RBFOX1: variants seen among roughly 807,000 people sequenced by gnomAD.
RBFOX1 encodes RNA binding fox-1 homolog 1, also known as RNA binding protein fox-1 homolog 1.
In RBFOX1, 8 loss-of-function variants were observed where a neutral mutation model predicts 57.7. The ratio of observed to expected loss-of-function variants is 0.14; its 90% CI spans 0.08 to 0.25. RBFOX1 has a LOEUF of 0.25. RBFOX1 is among the 10% of genes least tolerant of loss of function. The pLI is 1.00. For missense variants in RBFOX1, 611 were observed against 548.5 expected (o/e 1.11, Z -1.14); for synonymous variants, 326 against 222.4 (o/e 1.47, Z -4.15).
intron 3 of RBFOX1, among the ~76,000 whole-genome samples, chr16:6,962,823 C>T (rs1026704240): frequency 6.6e-6 from 1 of 151,878 alleles, no homozygotes; most frequent in Non-Finnish European, 1.5e-5. Context: ...TGTGATCATG[C>T]CACTGCACTC....
chr16:7,269,071 GAATC>G (rs1368354976), intron 4 of RBFOX1, among the ~76,000 whole-genome samples: 1 of 70,502 alleles, frequency 1.4e-5, no homozygotes, highest in Non-Finnish European at 3.1e-5. Flanking sequence ...AAAAAAAAAA[GAATC>G]AGCCTCTGGA....
chr16:5,420,081 C>T (rs764849792), intron 1 of RBFOX1, among the ~76,000 whole-genome samples: 15 of 152,106 alleles, frequency 9.9e-5, no homozygotes, highest in Admixed American at 6.5e-4. Flanking sequence ...AGAGAGCAGA[C>T]GGGTGCTGTT....
chr16:7,510,949 C>T (rs1038399779), intron 4 of RBFOX1, among the ~76,000 whole-genome samples: 4 of 152,080 alleles, frequency 2.6e-5, no homozygotes, highest in Non-Finnish European at 5.9e-5. Flanking sequence ...AGGAGGTTCT[C>T]CACAGCAGGA....
At chr16:7,590,953 G>T (rs139369148) in intron 7 of RBFOX1, among the ~76,000 whole-genome samples, 2 of 151,780 alleles carry the variant, frequency 1.3e-5, no homozygotes, top group East Asian at 3.9e-4. Flanking sequence ...AGCCAACCAT[G>T]AGTAAGACAG....
At chr16:7,441,305 A>G (rs1327316936) in intron 4 of RBFOX1, among the ~76,000 whole-genome samples, 2 of 152,340 alleles carry the variant, frequency 1.3e-5, no homozygotes, top group African/African-American at 2.4e-5. Flanking sequence ...AGCTGTTAGC[A>G]TATTAGTTCC....
intron 4 of RBFOX1, among the ~76,000 whole-genome samples, chr16:5,966,205 A>G (rs964405866): frequency 6.6e-6 from 1 of 152,188 alleles, no homozygotes; most frequent in Admixed American, 6.5e-5. Flanking sequence ...TGATGCATAT[A>G]GAAATAGAAC....
chr16:5,981,814 G>A (rs547656193), intron 4 of RBFOX1, among the ~76,000 whole-genome samples: 2 of 152,104 alleles, frequency 1.3e-5, no homozygotes, highest in African/African-American at 2.4e-5. Flanking sequence ...GCCCCTGAAC[G>A]GACGTTTGAC....
chr16:5,646,780 G>A (rs772928789), intron 3 of RBFOX1, among the ~76,000 whole-genome samples: 8 of 151,930 alleles, frequency 5.3e-5, no homozygotes, highest in East Asian at 1.9e-4. Context: ...GACTACAGGC[G>A]CCCATCACCA....
chr16:5,905,945 T>G (rs891486644), intron 4 of RBFOX1, among the ~76,000 whole-genome samples: 3 of 152,310 alleles, frequency 2.0e-5, no homozygotes, highest in East Asian at 3.9e-4. Context: ...TCTCTTGTAG[T>G]GGGAATTGGC....
intron 1 of RBFOX1, among the ~76,000 whole-genome samples, chr16:6,230,284 G>C (rs2097449034): frequency 6.6e-6 from 1 of 151,890 alleles, no homozygotes; most frequent in Non-Finnish European, 1.5e-5. Flanking sequence ...TATATGCTTG[G>C]TAATTCATGT....
In RBFOX1 at chr16:7,700,421, G is replaced by C. The variant is rs184762533; in HGVS notation, c.996-8635G>C. 1.5e-3 allele frequency among the ~76,000 whole-genome samples: 227 copies of C among 152,272 alleles called. 2 individuals are homozygous for C. The highest frequency in any genetic ancestry group is 5.3e-3 in the African/African-American group (222 of 41,554). On this transcript the variant is annotated intron_variant, in intron 14 of 15. Coordinates refer to ENST00000550418, the MANE Select transcript of RBFOX1 (RefSeq NM_018723.4). Reference sequence around the variant, plus strand: ...AGCTTAGCAAGAAGTAACAGTCAGTGTTTGACTCTAGAAATTCTGACTGAG... The same window carrying C: ...AGCTTAGCAAGAAGTAACAGTCAGTCTTTGACTCTAGAAATTCTGACTGAG...
chr16:7,455,528 A>AT (rs2058322204), intron 4 of RBFOX1, among the ~76,000 whole-genome samples: 1 of 152,110 alleles, frequency 6.6e-6, no homozygotes, highest in Non-Finnish European at 1.5e-5. Context: ...ACCGTGGCTC[A>AT]TGCCTGTAAT....
intron 3 of RBFOX1, among the ~76,000 whole-genome samples, chr16:5,718,863 T>G (rs1379816398): frequency 1.3e-5 from 2 of 152,024 alleles, no homozygotes; most frequent in Non-Finnish European, 2.9e-5. Flanking sequence ...GAGTGGAGAC[T>G]GCACCAATTT....
chr16:6,262,430 C>G (rs573574950), intron 1 of RBFOX1, among the ~76,000 whole-genome samples: 1 of 151,966 alleles, frequency 6.6e-6, no homozygotes, highest in South Asian at 2.1e-4. Context: ...AGAATTGAGT[C>G]TCTTCTTAAG....
chr16:5,807,410 C>T (rs1380503226), intron 3 of RBFOX1, among the ~76,000 whole-genome samples: 1 of 152,152 alleles, frequency 6.6e-6, no homozygotes, highest in East Asian at 1.9e-4. Context: ...CAGGTCATCT[C>T]AGAAAGCTGC....
intron 3 of RBFOX1, among the ~76,000 whole-genome samples, chr16:5,653,606 C>T (rs1258632985): frequency 1.3e-5 from 2 of 152,148 alleles, no homozygotes; most frequent in Non-Finnish European, 2.9e-5. Flanking sequence ...CTTTGCCTCT[C>T]CCTCCGCTAA....
intron 3 of RBFOX1, among the ~76,000 whole-genome samples, chr16:6,925,861 A>G (rs2075479754): frequency 6.6e-6 from 1 of 152,160 alleles, no homozygotes; most frequent in East Asian, 1.9e-4. Flanking sequence ...TTTAAAAAAA[A>G]AATCTGTAAT....
intron 3 of RBFOX1, among the ~76,000 whole-genome samples, chr16:6,795,918 C>T (rs999872277): frequency 3.3e-5 from 5 of 152,028 alleles, no homozygotes; most frequent in Non-Finnish European, 5.9e-5. Context: ...ATTGTGTTTA[C>T]CTGTCAGTGA....
At chr16:6,546,865 A>G (rs1231200032) in intron 2 of RBFOX1, among the ~76,000 whole-genome samples, 14 of 152,230 alleles carry the variant, frequency 9.2e-5, no homozygotes, top group Non-Finnish European at 2.9e-5. Flanking sequence ...ACAAGTTCAA[A>G]CACAGATCAT....
Sources: allele counts gnomAD v4.1 joint callset (sites outside exome capture counted in the v4.1 genomes callset), GRCh38; gene constraint gnomAD v4.1.1; transcripts MANE v1.5; gene names NCBI Gene and HGNC (gene_info 2026-07-23, HGNC 2026-07-21).